Variants in PDE1A observed in about 807,000 individuals in gnomAD.
The protein encoded by PDE1A is phosphodiesterase 1A, also known as dual specificity calcium/calmodulin-dependent 3',5'-cyclic nucleotide phosphodiesterase 1A.
In PDE1A, 35 loss-of-function variants were observed where a neutral mutation model predicts 61.7. That is an observed-to-expected ratio of 0.57 (90% CI 0.43 to 0.75). The LOEUF is 0.75. PDE1A is among the 30% of genes least tolerant of loss of function. PDE1A has a pLI of 0.00. For missense variants in PDE1A, 597 were observed against 630.6 expected, an observed-to-expected ratio of 0.95 and a Z score of 0.57; for synonymous variants, 232 against 213.2, an observed-to-expected ratio of 1.09 and a Z score of -0.77.
the PDE1A span, among the ~76,000 whole-genome samples, chr2:182,551,143 C>T: frequency 6.6e-6 from 1 of 151,644 alleles, no homozygotes; most frequent in South Asian, 2.1e-4. Context: ...TTATAAATTG[C>T]ATAATCTATT....
At chr2:182,639,985 T>TA in the PDE1A span, among the ~76,000 whole-genome samples, 3 of 151,470 alleles carry the variant, frequency 2.0e-5, no homozygotes, top group South Asian at 2.1e-4. Flanking sequence ...TAAAGGATGT[T>TA]AAAAAAAATG....
At chr2:182,411,828 A>G (rs1341319861) in intron 1 of PDE1A, among the ~76,000 whole-genome samples, 1 of 152,084 alleles carries the variant, frequency 6.6e-6, no homozygotes, top group East Asian at 1.9e-4. Context: ...TGGGAGACTG[A>G]GGTGAGCAGA....
In PDE1A at chr2:182,382,553, C is replaced by A. The variant is rs11887703; in HGVS notation, c.53+44025G>T. Among the ~76,000 whole-genome samples, 539 of 152,300 alleles carry A rather than the reference C, an allele frequency of 3.5e-3. 4 individuals are homozygous for A. The highest frequency in any genetic ancestry group is 0.012 in the African/African-American group (507 of 41,556). The stretch of plus-strand genomic sequence containing the variant: ...TTCTTGTGATATTCCATACATACAT[C>A]CCAGCCTAGCATGCTTGAATTTCTG... On this transcript the variant is annotated intron_variant, in intron 1 of 13. Transcript: ENST00000351439.
downstream of PDE1A, among the ~76,000 whole-genome samples, chr2:182,143,366 AAAAAG>A (rs1690319940): frequency 6.6e-6 from 1 of 152,178 alleles, no homozygotes; most frequent in South Asian, 2.1e-4. Context: ...ATAAATAAAT[AAAAAG>A]AAAAGAAAAC....
intron 1 of PDE1A, among the ~76,000 whole-genome samples, chr2:182,264,960 C>T (rs951352321): frequency 4.1e-5 from 6 of 147,930 alleles, no homozygotes; most frequent in Non-Finnish European, 8.9e-5. Context: ...TTTGCAGCAA[C>T]TTGGATGGGG....
At chr2:182,708,825 C>T in the PDE1A span, among the ~76,000 whole-genome samples, 1 of 152,192 alleles carries the variant, frequency 6.6e-6, no homozygotes, top group African/African-American at 2.4e-5. Context: ...GTGTCAGCTT[C>T]TTCATCAGTA....
At chr2:182,690,686 C>A in the PDE1A span, among the ~76,000 whole-genome samples, 2 of 152,082 alleles carry the variant, frequency 1.3e-5, no homozygotes, top group African/African-American at 2.4e-5. Context: ...CCAGGGCAAT[C>A]GGGCAAGAGA....
intron 1 of PDE1A, among the ~76,000 whole-genome samples, chr2:182,273,485 A>ATG (rs1693182979): frequency 6.6e-6 from 1 of 151,584 alleles, no homozygotes; most frequent in Non-Finnish European, 1.5e-5. Context: ...ATATATATAT[A>ATG]TATCTTTTGT....
intron 10 of PDE1A, among the ~76,000 whole-genome samples, chr2:182,195,187 C>T (rs1458292606): frequency 1.3e-5 from 2 of 152,070 alleles, no homozygotes; most frequent in African/African-American, 4.8e-5. Flanking sequence ...TATCAAACAA[C>T]AAAATACTTC....
At chr2:182,200,709 T>C (rs1381132198) in intron 10 of PDE1A, among the ~76,000 whole-genome samples, 2 of 152,226 alleles carry the variant, frequency 1.3e-5, no homozygotes, top group African/African-American at 4.8e-5. Flanking sequence ...TGGGAACCAC[T>C]GAACTTGTAA....
chr2:182,560,598 C>A, the PDE1A span, among the ~76,000 whole-genome samples: 1 of 152,042 alleles, frequency 6.6e-6, no homozygotes, highest in Non-Finnish European at 1.5e-5. Context: ...ATGGCTGGGT[C>A]AAATGGTATT....
intron 7 of PDE1A, among the ~76,000 whole-genome samples, chr2:182,213,139 A>AC (rs889811840): frequency 2.7e-5 from 4 of 149,932 alleles, no homozygotes; most frequent in Admixed American, 6.7e-5. Flanking sequence ...ACTGGGAGGC[A>AC]CCCCCCAGCA....
At chr2:182,673,327 GTTA>G in the PDE1A span, among the ~76,000 whole-genome samples, 1 of 152,072 alleles carries the variant, frequency 6.6e-6, no homozygotes, top group Non-Finnish European at 1.5e-5. Flanking sequence ...AAATAAATGT[GTTA>G]TTATCAAAAG....
At chr2:182,328,376 G>T (rs1449714713) in intron 1 of PDE1A, among the ~76,000 whole-genome samples, 1 of 152,130 alleles carries the variant, frequency 6.6e-6, no homozygotes, top group African/African-American at 2.4e-5. Flanking sequence ...TTTGCCAGAA[G>T]AATAACATAG....
the PDE1A span, among the ~76,000 whole-genome samples, chr2:182,613,154 T>G: frequency 2.5e-3 from 374 of 152,358 alleles, 1 homozygote; most frequent in African/African-American, 8.5e-3. Flanking sequence ...ATACCATGCA[T>G]GACACTATTT....
chr2:182,231,204 G>T, intron 4 of PDE1A, 73 bp from the exon 5 acceptor site: 1 of 791,208 alleles, frequency 1.3e-6, no homozygotes, highest in Admixed American at 2.2e-5. Context: ...CAAAAGATAA[G>T]GCATTGTACA....
At chr2:182,599,591 T>C in the PDE1A span, among the ~76,000 whole-genome samples, 1 of 152,240 alleles carries the variant, frequency 6.6e-6, no homozygotes, top group Non-Finnish European at 1.5e-5. Flanking sequence ...ATTTCTTATG[T>C]ATGTTCTGGC....
chr2:182,208,402 T>C (rs759940098), intron 7 of PDE1A, among the ~76,000 whole-genome samples: 1 of 152,114 alleles, frequency 6.6e-6, no homozygotes, highest in Non-Finnish European at 1.5e-5. Context: ...TCAGATCTCA[T>C]GAGAATTCCC....
chr2:182,461,030 A>C (rs912597134), intron 2 of PDE1A, among the ~76,000 whole-genome samples: 10 of 152,168 alleles, frequency 6.6e-5, no homozygotes, highest in African/African-American at 2.2e-4. Context: ...TATTTGCCAA[A>C]GTTTTTAATA....
Sources: gnomAD v4.1 joint callset for allele counts (sites outside exome capture counted in the v4.1 genomes callset) on GRCh38, gnomAD v4.1.1 for gene constraint, MANE v1.5 for transcripts, NCBI Gene and HGNC (gene_info 2026-07-23, HGNC 2026-07-21) for gene names.